The following SPIDR variants were observed in gnomAD, a reference collection of about 807,000 sequenced individuals.
The protein encoded by SPIDR is DNA repair-scaffolding protein.
SPIDR carries 93 observed loss-of-function variants against 104.6 expected under a neutral mutation model. The ratio of observed to expected loss-of-function variants is 0.89; its 90% CI spans 0.75 to 1.06. SPIDR has a LOEUF of 1.06. SPIDR is among the 50% of genes least tolerant of loss of function. The probability of loss-of-function intolerance (pLI) is 0.00; values close to 1 mark genes in which losing one functional copy is unlikely to be tolerated. For synonymous variants in SPIDR, 431 were observed against 416.9 expected (o/e 1.03, Z -0.41); for missense variants, 1,154 against 1,111.2 (o/e 1.04, Z -0.55).
chr8:47,291,776 C>G (rs1048317810), intron 4 of SPIDR, among the ~76,000 whole-genome samples: 8 of 152,172 alleles, frequency 5.3e-5, no homozygotes, highest in Non-Finnish European at 1.2e-4. Flanking sequence ...CTGCCTTCTT[C>G]CCAACCTGTT....
At chr8:47,392,816 T>G (rs1329137364) in intron 5 of SPIDR, among the ~76,000 whole-genome samples, 2 of 152,212 alleles carry the variant, frequency 1.3e-5, no homozygotes, top group African/African-American at 4.8e-5. Context: ...TAAAACAAAT[T>G]ATCAGGTCTG....
intron 8 of SPIDR, among the ~76,000 whole-genome samples, chr8:47,566,700 C>T (rs2057899941): frequency 6.6e-6 from 1 of 152,058 alleles, no homozygotes; most frequent in African/African-American, 2.4e-5. Context: ...GAGCTCCTTT[C>T]ACTCAGTCAG....
intron 8 of SPIDR, among the ~76,000 whole-genome samples, chr8:47,548,823 G>A (rs1330718193): frequency 6.6e-6 from 1 of 152,114 alleles, no homozygotes. Flanking sequence ...ACAACGTGCA[G>A]GTTTGTTATA....
intron 5 of SPIDR, among the ~76,000 whole-genome samples, chr8:47,296,765 T>C (rs1350178278): frequency 2.6e-5 from 4 of 152,230 alleles, no homozygotes; most frequent in African/African-American, 7.2e-5. Flanking sequence ...TAGGATTGTT[T>C]TATTCTGTGA....
rs1166445650 is a variant in SPIDR at position 47,533,323 on chromosome 8, C to T, written c.1098-62488C>T. ...TGTAAAATCCCAAACTATAAAAACC[C>T]TGGAAGACAACTTAGGCAGTACCAT... On this transcript the variant is annotated intron_variant, in intron 8 of 19. Coordinates refer to ENST00000297423, the MANE Select transcript of SPIDR (RefSeq NM_001080394.4). 2.4e-4 allele frequency among the ~76,000 whole-genome samples: 36 copies of T among 151,936 alleles called. 1 individual carries two copies. The highest frequency in any genetic ancestry group is 2.4e-3 in the Admixed American group (36 of 15,248).
chr8:47,605,973 A>G (rs901540625), intron 10 of SPIDR, among the ~76,000 whole-genome samples: 4 of 152,138 alleles, frequency 2.6e-5, no homozygotes, highest in Non-Finnish European at 4.4e-5. Flanking sequence ...TTTTATTTCT[A>G]TGCTTTTGGC....
intron 11 of SPIDR, among the ~76,000 whole-genome samples, chr8:47,677,605 T>C (rs1017958916): frequency 2.3e-4 from 35 of 152,342 alleles, no homozygotes; most frequent in African/African-American, 7.7e-4. Flanking sequence ...ACTCAGTGTC[T>C]ACAGAGGGTG....
At chr8:47,477,956 C>G (rs1337117373) in intron 8 of SPIDR, among the ~76,000 whole-genome samples, 1 of 152,034 alleles carries the variant, frequency 6.6e-6, no homozygotes, top group Non-Finnish European at 1.5e-5. Context: ...GGGCTGGCTG[C>G]AGGATTAGGG....
At chr8:47,516,222 G>T (rs1219457211) in intron 8 of SPIDR, among the ~76,000 whole-genome samples, 1 of 152,134 alleles carries the variant, frequency 6.6e-6, no homozygotes, top group East Asian at 1.9e-4. Flanking sequence ...GGGATTGCAG[G>T]CATGAACCAT....
At chr8:47,554,653 G>A (rs1056021641) in intron 8 of SPIDR, among the ~76,000 whole-genome samples, 2 of 152,248 alleles carry the variant, frequency 1.3e-5, no homozygotes, top group African/African-American at 4.8e-5. Context: ...TGTCTGTCAC[G>A]GCTTCCCTTC....
intron 8 of SPIDR, among the ~76,000 whole-genome samples, chr8:47,536,433 T>C (rs185018331): frequency 6.0e-4 from 91 of 152,228 alleles, no homozygotes; most frequent in African/African-American, 2.1e-3. Context: ...AATAGCCAAA[T>C]AGGTCAATGG....
At chr8:47,409,119 G>C (rs565938069) in intron 7 of SPIDR, among the ~76,000 whole-genome samples, 5 of 152,314 alleles carry the variant, frequency 3.3e-5, no homozygotes, top group Admixed American at 6.5e-5. Context: ...CCAGGAGGCG[G>C]AGTCTTCAGT....
chr8:47,279,840 C>G, intron 1 of SPIDR, 22 bp from the exon 2 acceptor site: 2 of 1,572,358 alleles, frequency 1.3e-6, no homozygotes, highest in Non-Finnish European at 8.6e-7. Context: ...TTCGATTTTT[C>G]TTTTAAAAAT....
At chr8:47,619,592 C>T (rs900142772) in intron 10 of SPIDR, among the ~76,000 whole-genome samples, 5 of 151,210 alleles carry the variant, frequency 3.3e-5, no homozygotes, top group Non-Finnish European at 7.4e-5. Context: ...ACATGATACT[C>T]TGAATATGCA....
chr8:47,289,328 A>C (rs1415424868), intron 3 of SPIDR, among the ~76,000 whole-genome samples: 2 of 152,178 alleles, frequency 1.3e-5, no homozygotes, highest in African/African-American at 4.8e-5. Context: ...AATTTTATAA[A>C]TATCTAATCT....
At chr8:47,278,600 C>T (rs1209116886) in intron 1 of SPIDR, among the ~76,000 whole-genome samples, 2 of 152,000 alleles carry the variant, frequency 1.3e-5, no homozygotes, top group African/African-American at 4.8e-5. Flanking sequence ...TTCTAGTCAC[C>T]TCCAAAGGCC....
chr8:47,516,230 C>T (rs1211313870), intron 8 of SPIDR, among the ~76,000 whole-genome samples: 1 of 152,132 alleles, frequency 6.6e-6, no homozygotes, highest in African/African-American at 2.4e-5. Flanking sequence ...AGGCATGAAC[C>T]ATCATACCCA....
intron 8 of SPIDR, among the ~76,000 whole-genome samples, chr8:47,451,565 T>C (rs942111928): frequency 1.4e-5 from 2 of 137,988 alleles, no homozygotes; most frequent in African/African-American, 5.4e-5. Flanking sequence ...TAGGCGACAT[T>C]GTGAAACCCT....
intron 16 of SPIDR, among the ~76,000 whole-genome samples, chr8:47,715,934 A>G (rs983027978): frequency 2.7e-5 from 4 of 150,808 alleles, no homozygotes; most frequent in African/African-American, 4.9e-5. Flanking sequence ...CAAAGTGGCT[A>G]CACTAGGGGT....
Sources: allele counts gnomAD v4.1 joint callset (sites outside exome capture counted in the v4.1 genomes callset), GRCh38; gene constraint gnomAD v4.1.1; transcripts MANE v1.5; gene names NCBI Gene and HGNC (gene_info 2026-07-23, HGNC 2026-07-21).